The following CPA6 variants were observed in gnomAD, a reference collection of about 807,000 sequenced individuals.
CPA6 encodes the protein carboxypeptidase B.
In CPA6, 58 loss-of-function variants were observed where a neutral mutation model predicts 63.3. The ratio of observed to expected loss-of-function variants is 0.92; its 90% CI spans 0.74 to 1.14. The LOEUF (loss-of-function observed/expected upper bound fraction) is 1.14. CPA6 is among the 50% of genes most tolerant of loss of function. The probability of loss-of-function intolerance (pLI) is 0.00; values close to 1 mark genes in which losing one functional copy is unlikely to be tolerated. For synonymous variants in CPA6, 185 were observed against 179.0 expected, an observed-to-expected ratio of 1.03 and a Z score of -0.27; for missense variants, 565 against 526.6, an observed-to-expected ratio of 1.07 and a Z score of -0.71.
chr8:67,472,639 G>A (rs1811089667), intron 8 of CPA6, among the ~76,000 whole-genome samples: 1 of 152,022 alleles, frequency 6.6e-6, no homozygotes, highest in Admixed American at 6.6e-5. Flanking sequence ...TGTTGCCCAG[G>A]CTGGTCTCAA....
chr8:67,741,739 G>T (rs895338092), intron 1 of CPA6, among the ~76,000 whole-genome samples: 2 of 152,170 alleles, frequency 1.3e-5, no homozygotes, highest in African/African-American at 4.8e-5. Context: ...GGACTGCCTA[G>T]TTGCAGGAAA....
chr8:67,542,702 G>C (rs1812732965), intron 2 of CPA6, among the ~76,000 whole-genome samples: 1 of 152,178 alleles, frequency 6.6e-6, no homozygotes, highest in Non-Finnish European at 1.5e-5. Context: ...TACACTGCCA[G>C]ATAATAGCAG....
intron 2 of CPA6, among the ~76,000 whole-genome samples, chr8:67,575,024 C>T (rs995665005): frequency 2.6e-5 from 4 of 151,854 alleles, no homozygotes; most frequent in African/African-American, 9.7e-5. Context: ...ATGTAAGGAC[C>T]TCAACTATAT....
At chr8:67,628,461 C>A (rs540679778) in intron 1 of CPA6, among the ~76,000 whole-genome samples, 12 of 152,272 alleles carry the variant, frequency 7.9e-5, no homozygotes, top group African/African-American at 2.9e-4. Flanking sequence ...AATTTACGAA[C>A]CTACACTTGT....
At chr8:67,616,497 T>G (rs1814952250) in intron 2 of CPA6, among the ~76,000 whole-genome samples, 2 of 121,998 alleles carry the variant, frequency 1.6e-5, no homozygotes, top group Admixed American at 1.8e-4. Flanking sequence ...TGGTGGCAAA[T>G]TGAATGTGTG....
In CPA6 at chr8:67,472,375, T is replaced by A. The variant is rs372504847; in HGVS notation, c.838+11393A>T. 2.0e-3 allele frequency among the ~76,000 whole-genome samples: 140 copies of A among 68,974 alleles called. 1 individual carries two copies. Among genetic ancestry groups the A allele is most frequent in the African/African-American group, 3.9e-3 (76 of 19,292 alleles). The allele number at this position is 68,974 out of a possible 152,430, so 45.2% of individuals were successfully genotyped here. On this transcript the variant is annotated intron_variant, in intron 8 of 10. Coordinates refer to ENST00000297770, the MANE Select transcript of CPA6 (RefSeq NM_020361.5). ...CTAAGTTATTTGTAAAAGATTTATT[T>A]TTTTATTTTATTTTATTTTATTTTA...
At chr8:67,664,781 G>GGCAGA (rs1816192065) in intron 1 of CPA6, among the ~76,000 whole-genome samples, 1 of 152,022 alleles carries the variant, frequency 6.6e-6, no homozygotes, top group African/African-American at 2.4e-5. Flanking sequence ...TGACACAAAG[G>GGCAGA]GCATAGGTCT....
intron 1 of CPA6, among the ~76,000 whole-genome samples, chr8:67,677,124 C>G (rs574100877): frequency 1.3e-5 from 2 of 152,162 alleles, no homozygotes; most frequent in Admixed American, 6.5e-5. Flanking sequence ...AGGGTACAAC[C>G]TTCGCAGTTT....
intron 4 of CPA6, 73 bp downstream of exon 4, chr8:67,511,468 A>G (rs922639456): frequency 7.2e-6 from 6 of 833,300 alleles, no homozygotes; most frequent in Middle Eastern, 2.3e-4. Flanking sequence ...TAAAACACAT[A>G]ATTTTCTCCC....
chr8:67,460,894 C>G (rs73262636), intron 8 of CPA6, among the ~76,000 whole-genome samples: 1 of 151,996 alleles, frequency 6.6e-6, no homozygotes, highest in Non-Finnish European at 1.5e-5. Flanking sequence ...ATGGGAGAGG[C>G]CACAGCCACA....
intron 2 of CPA6, among the ~76,000 whole-genome samples, chr8:67,524,416 C>T (rs1330425338): frequency 1.3e-5 from 2 of 152,270 alleles, no homozygotes; most frequent in East Asian, 3.9e-4. Context: ...CTAGGCTGTG[C>T]TTTCCCAGAG....
intron 2 of CPA6, among the ~76,000 whole-genome samples, chr8:67,520,597 G>A (rs1812239133): frequency 6.6e-6 from 1 of 152,216 alleles, no homozygotes; most frequent in African/African-American, 2.4e-5. Flanking sequence ...TTACGGGACA[G>A]TAATTACCAT....
At chr8:67,620,556 C>T (rs1354728113) in intron 2 of CPA6, among the ~76,000 whole-genome samples, 1 of 152,176 alleles carries the variant, frequency 6.6e-6, no homozygotes, top group Non-Finnish European at 1.5e-5. Context: ...GTTAGCAATG[C>T]CCATAATTCT....
At chr8:67,595,032 TGATGGTGATGTACA>T (rs1386688908) in intron 2 of CPA6, among the ~76,000 whole-genome samples, 1 of 152,158 alleles carries the variant, frequency 6.6e-6, no homozygotes, top group Non-Finnish European at 1.5e-5. Flanking sequence ...TGGTCTTTGA[TGATGGTGATGTACA>T]GATGGGTTTT....
intron 2 of CPA6, among the ~76,000 whole-genome samples, chr8:67,605,080 G>GTTTTTTTTTTTTTTTT (rs34741776): frequency 6.9e-6 from 1 of 145,016 alleles, no homozygotes; most frequent in Non-Finnish European, 1.5e-5. Flanking sequence ...GCCCAGCCAC[G>GTTTTTTTTTTTTTTTT]TTTTTTTTTT....
intron 1 of CPA6, among the ~76,000 whole-genome samples, chr8:67,643,393 TG>T (rs1280249266): frequency 6.6e-6 from 1 of 152,222 alleles, no homozygotes; most frequent in Non-Finnish European, 1.5e-5. Flanking sequence ...TGAAAATAGA[TG>T]AACCACAGAT....
At chr8:67,483,269 G>A (rs1359227543) in intron 8 of CPA6, 1 of 153,114 alleles carries the variant, frequency 6.5e-6, no homozygotes, top group African/African-American at 2.4e-5. Flanking sequence ...TTTTAAAGGT[G>A]ATTATTAATG....
chr8:67,684,051 ATTTATTTT>A (rs1387821229), intron 1 of CPA6, among the ~76,000 whole-genome samples: 2 of 137,948 alleles, frequency 1.4e-5, no homozygotes, highest in African/African-American at 5.3e-5. Flanking sequence ...TTATTTATTT[ATTTATTTT>A]TTTTTTTTGT....
At chr8:67,477,830 C>T (rs1166780003) in intron 8 of CPA6, among the ~76,000 whole-genome samples, 1 of 152,220 alleles carries the variant, frequency 6.6e-6, no homozygotes, top group Non-Finnish European at 1.5e-5. Context: ...TGGATTAGTT[C>T]TTTCCCTGAG....
Sources: allele counts gnomAD v4.1 joint callset (sites outside exome capture counted in the v4.1 genomes callset), GRCh38; gene constraint gnomAD v4.1.1; transcripts MANE v1.5; gene names NCBI Gene and HGNC (gene_info 2026-07-23, HGNC 2026-07-21).